The following THRAP3 variants were observed in gnomAD, a reference collection of about 807,000 sequenced individuals.
THRAP3 encodes the protein thyroid hormone receptor-associated protein 3.
A neutral mutation model predicts 101.0 loss-of-function variants in THRAP3; 16 were observed. The observed-to-expected ratio is 0.16, with a 90% CI of 0.11 to 0.24. The LOEUF is 0.24. Ranked by LOEUF, THRAP3 falls within the 10% of genes least tolerant of loss-of-function variation. The pLI, the probability that THRAP3 is intolerant of heterozygous loss-of-function variation, is 1.00. For synonymous variants in THRAP3, 407 were observed against 422.6 expected (o/e 0.96, Z 0.45); for missense variants, 989 against 1,202.7 (o/e 0.82, Z 2.63).
intron 1 of THRAP3, among the ~76,000 whole-genome samples, chr1:36,252,967 T>C (rs1224884110): frequency 7.8e-6 from 1 of 128,018 alleles, no homozygotes; most frequent in African/African-American, 3.0e-5. Flanking sequence ...TATATATATA[T>C]ATAAATGTAA....
At chr1:36,236,557 A>T (rs562735115) in intron 1 of THRAP3, among the ~76,000 whole-genome samples, 2 of 151,314 alleles carry the variant, frequency 1.3e-5, no homozygotes, top group Non-Finnish European at 2.9e-5. Flanking sequence ...CCCCCTCCCA[A>T]AGTGCTGGGA....
chr1:36,225,176 G>A (rs534554058), intron 1 of THRAP3: 2 of 152,432 alleles, frequency 1.3e-5, no homozygotes, highest in South Asian at 4.1e-4. Context: ...AAATCTTAGG[G>A]GTGGAGCATG....
chr1:36,270,798 G>A (rs2358722), intron 2 of THRAP3, among the ~76,000 whole-genome samples: 143,693 of 151,920 alleles, frequency 0.95, 68,491 homozygotes, highest in Middle Eastern at 1. Context: ...GCCGGTCTCC[G>A]ACTCCCGACC....
the THRAP3 span, among the ~76,000 whole-genome samples, chr1:36,214,048 AAGAAAG>A: frequency 7.9e-6 from 1 of 126,770 alleles, no homozygotes; most frequent in South Asian, 2.3e-4. Flanking sequence ...GAAAGAAAGA[AAGAAAG>A]AAAGAAAGAA....
intron 1 of THRAP3, among the ~76,000 whole-genome samples, chr1:36,241,642 G>C (rs1197100262): frequency 6.8e-6 from 1 of 147,984 alleles, no homozygotes; most frequent in Non-Finnish European, 1.5e-5. Flanking sequence ...GCAGTGGCGT[G>C]ATCTTGGCTC....
chr1:36,295,778 G>GTCTTC (rs1282132282), intron 8 of THRAP3, among the ~76,000 whole-genome samples: 1 of 151,820 alleles, frequency 6.6e-6, no homozygotes, highest in Non-Finnish European at 1.5e-5. Context: ...GGCTGCTTAA[G>GTCTTC]TCTTCCATTG....
chr1:36,259,835 T>A (rs1645422083), intron 2 of THRAP3, among the ~76,000 whole-genome samples: 1 of 152,114 alleles, frequency 6.6e-6, no homozygotes, highest in Admixed American at 6.6e-5. Context: ...TGGGTTCTTA[T>A]GAAACAGTAT....
chr1:36,211,632 C>T, the THRAP3 span, among the ~76,000 whole-genome samples: 1 of 152,302 alleles, frequency 6.6e-6, no homozygotes, highest in African/African-American at 2.4e-5. Flanking sequence ...AGGGTGGATA[C>T]CCACTGACTG....
In THRAP3 at chr1:36,286,430, T is replaced by A; in HGVS notation, c.200T>A (p.Val67Glu). The A allele has an allele frequency of 6.2e-7, 1 of 1,613,802 alleles. No homozygotes were observed. Among genetic ancestry groups the A allele is most frequent in the Non-Finnish European group, 8.5e-7 (1 of 1,179,974 alleles). ...AHNRERNHPR[V>E]YQNRDFRGHN... ...AACAGAGAAAGAAACCACCCAAGAG[T>A]ATATCAGAATCGGGATTTCCGAGGT... Residue 67 changes from valine to glutamate, a missense_variant, in exon 4 of 12, where the codon GTA becomes GAA. Val to Glu is a moderately radical substitution (Grantham distance 121). Coordinates refer to ENST00000354618, the MANE Select transcript of THRAP3 (RefSeq NM_005119.4). The surrounding 1 kb of genome is among the most constrained non-coding windows in gnomAD (Gnocchi z 5.5).
intron 9 of THRAP3, among the ~76,000 whole-genome samples, chr1:36,298,882 C>G (rs1453839538): frequency 6.6e-6 from 1 of 152,176 alleles, no homozygotes; most frequent in Non-Finnish European, 1.5e-5. Context: ...GTGGCTTTGA[C>G]CTCCTGGGCT....
chr1:36,237,098 C>G (rs1645099258), intron 1 of THRAP3, among the ~76,000 whole-genome samples: 1 of 151,938 alleles, frequency 6.6e-6, no homozygotes, highest in Non-Finnish European at 1.5e-5. Flanking sequence ...ATCGCTTGAA[C>G]CTGGGAGGTG....
chr1:36,301,216 C>T, intron 10 of THRAP3, 132 bp downstream of exon 10: 2 of 940,866 alleles, frequency 2.1e-6, no homozygotes, highest in Non-Finnish European at 3.1e-6. Flanking sequence ...ATCTTTGGTT[C>T]TCCTTCCCAC....
chr1:36,290,202 CTTT>C (rs899412806), intron 5 of THRAP3, among the ~76,000 whole-genome samples: 3 of 146,764 alleles, frequency 2.0e-5, no homozygotes, highest in Non-Finnish European at 4.5e-5. Flanking sequence ...TCTCTCTCTT[CTTT>C]TTTTTTTTGA....
chr1:36,213,547 AAGAC>A, the THRAP3 span, among the ~76,000 whole-genome samples: 1 of 151,970 alleles, frequency 6.6e-6, no homozygotes, highest in South Asian at 2.1e-4. Context: ...GGTGATCAGA[AAGAC>A]AGAAGAACTC....
intron 1 of THRAP3, among the ~76,000 whole-genome samples, chr1:36,243,651 G>C (rs529590348): frequency 6.6e-6 from 1 of 152,046 alleles, no homozygotes; most frequent in Non-Finnish European, 1.5e-5. Flanking sequence ...CCCACCCTTC[G>C]CCCCCTTCTA....
intron 2 of THRAP3, among the ~76,000 whole-genome samples, chr1:36,271,516 C>CAG (rs1645591206): frequency 1.3e-5 from 2 of 150,630 alleles, no homozygotes; most frequent in Admixed American, 1.3e-4. Flanking sequence ...CTCCTGACCT[C>CAG]GTGATCTGCC....
At chr1:36,273,579 CA>C (rs1204926338) in intron 2 of THRAP3, among the ~76,000 whole-genome samples, 45 of 152,260 alleles carry the variant, frequency 3.0e-4, no homozygotes, top group African/African-American at 9.9e-4. Flanking sequence ...ACGTTCCAGC[CA>C]GAGCAGTTAG....
At chr1:36,212,315 A>G in the THRAP3 span, among the ~76,000 whole-genome samples, 1 of 151,738 alleles carries the variant, frequency 6.6e-6, no homozygotes, top group South Asian at 2.1e-4. Flanking sequence ...CCTGCCAATC[A>G]CTGGGGGCCA....
intron 1 of THRAP3, among the ~76,000 whole-genome samples, chr1:36,249,416 C>T (rs1184880997): frequency 6.6e-6 from 1 of 151,652 alleles, no homozygotes; most frequent in Non-Finnish European, 1.5e-5. Context: ...TGATCTCCAT[C>T]TCCTGACCTC....
Sources: allele counts gnomAD v4.1 joint callset (sites outside exome capture counted in the v4.1 genomes callset), GRCh38; gene constraint gnomAD v4.1.1; non-coding constraint Gnocchi (gnomAD v3.1); transcripts MANE v1.5; gene names NCBI Gene and HGNC (gene_info 2026-07-23, HGNC 2026-07-21).